PDE3A: variants seen among roughly 807,000 people sequenced by gnomAD.
The protein encoded by PDE3A is phosphodiesterase 3A, also known as cGMP-inhibited 3',5'-cyclic phosphodiesterase 3A.
A neutral mutation model predicts 98.3 loss-of-function variants in PDE3A; 43 were observed. The ratio of observed to expected loss-of-function variants is 0.44; its 90% CI spans 0.34 to 0.56. The LOEUF is 0.56. PDE3A is among the 20% of genes least tolerant of loss of function. The pLI, the probability that PDE3A is intolerant of heterozygous loss-of-function variation, is 0.01. For synonymous variants in PDE3A, 663 were observed against 567.9 expected (o/e 1.17, Z -2.38); for missense variants, 1,427 against 1,440.7 (o/e 0.99, Z 0.15).
intron 1 of PDE3A, among the ~76,000 whole-genome samples, chr12:20,525,171 C>A (rs1170228303): frequency 6.6e-6 from 1 of 152,100 alleles, no homozygotes; most frequent in Non-Finnish European, 1.5e-5. Context: ...TGCTCCGGAG[C>A]CTTGGGCAAG....
chr12:20,400,379 GTTTTTTTTTTTTTTTTTTTTTTT>G (rs75851941), intron 1 of PDE3A, among the ~76,000 whole-genome samples: 17 of 110,258 alleles, frequency 1.5e-4, no homozygotes, highest in East Asian at 4.7e-4. Context: ...GTTAACATTG[GTTTTTTTTTTTTTTTTTTTTTTT>G]TTTTTTTTTT....
intron 1 of PDE3A, among the ~76,000 whole-genome samples, chr12:20,537,422 C>T (rs2121207401): frequency 6.6e-6 from 1 of 152,150 alleles, no homozygotes; most frequent in Non-Finnish European, 1.5e-5. Flanking sequence ...AATCTGATGA[C>T]AGATTATTCT....
intron 1 of PDE3A, among the ~76,000 whole-genome samples, chr12:20,484,018 T>G (rs910957674): frequency 6.6e-6 from 1 of 152,214 alleles, no homozygotes; most frequent in Non-Finnish European, 1.5e-5. Context: ...GACTCATAGC[T>G]TAGTGAACAG....
rs187399009 is a variant in PDE3A at position 20,512,791 on chromosome 12, A to G, written c.961-43869A>G. On this transcript the variant is annotated intron_variant, in intron 1 of 15. Coordinates refer to ENST00000359062, the MANE Select transcript of PDE3A (RefSeq NM_000921.5). ...GTCCTATTTCCATGAGAGTGATGACAGATTCAGAAGTGCCAGGCTCCAAGG... is the reference window on the plus strand; with the variant it reads ...GTCCTATTTCCATGAGAGTGATGACGGATTCAGAAGTGCCAGGCTCCAAGG... Among the ~76,000 whole-genome samples, 521 of 152,262 alleles carry G rather than the reference A, an allele frequency of 3.4e-3. 2 individuals are homozygous for G. The highest frequency in any genetic ancestry group is 5.5e-3 in the Non-Finnish European group (376 of 68,000).
chr12:20,671,992 T>A (rs2120430277), intron 15 of PDE3A, among the ~76,000 whole-genome samples: 1 of 149,612 alleles, frequency 6.7e-6, no homozygotes, highest in Middle Eastern at 3.5e-3. Flanking sequence ...GATAAGCAAC[T>A]TCAGCAAAGT....
intron 1 of PDE3A, among the ~76,000 whole-genome samples, chr12:20,494,620 ACTTTC>A (rs1235391644): frequency 3.9e-5 from 6 of 152,072 alleles, no homozygotes; most frequent in African/African-American, 1.2e-4. Context: ...ATAAATTATG[ACTTTC>A]CTTTCCTATG....
intron 1 of PDE3A, among the ~76,000 whole-genome samples, chr12:20,459,420 T>C (rs941708229): frequency 2.0e-5 from 3 of 152,146 alleles, no homozygotes; most frequent in East Asian, 1.9e-4. Flanking sequence ...GCAGAAAATA[T>C]ATAAAATAAG....
At position 20,530,499 on chromosome 12, in the gene PDE3A, T is replaced by G. The variant is rs563736637; in HGVS notation, c.961-26161T>G. Among the ~76,000 whole-genome samples, 85 of 152,022 alleles carry G rather than the reference T, an allele frequency of 5.6e-4. 1 individual carries two copies. In the South Asian group the frequency reaches 0.017, roughly 30 times the overall value. ...AATGACTATACAATACTTTTTTTTT[T>G]TTTTTTAAGAGATGGGGTCTCACTG... On this transcript the variant is annotated intron_variant, in intron 1 of 15. Coordinates refer to ENST00000359062, the MANE Select transcript of PDE3A (RefSeq NM_000921.5).
Position 20,685,409 on chromosome 12 carries a change from CAAAAAAAA to C in PDE3A, c.*5154_*5161del, listed in dbSNP as rs71442269. 1.2e-4 allele frequency among the ~76,000 whole-genome samples: 9 copies of C among 73,794 alleles called. No individual in the cohort carries two copies. Among genetic ancestry groups the C allele is most frequent in the Admixed American group, 3.8e-4 (2 of 5,240 alleles). 48.4% of individuals were successfully genotyped at this position (73,794 alleles called of 152,430 possible). ...GGGCAACAGGAGTTAAATTTTGCCTCAAAAAAAAAAAAAAAAAAAAAAAGAACATTTTT... is the reference window on the plus strand; with the variant it reads ...GGGCAACAGGAGTTAAATTTTGCCTCAAAAAAAAAAAAAAAGAACATTTTT... On this transcript the variant is annotated 3_prime_UTR_variant, in exon 16 of 16. Coordinates refer to ENST00000359062, the MANE Select transcript of PDE3A (RefSeq NM_000921.5).
chr12:20,525,470 G>GT (rs970733534), intron 1 of PDE3A, among the ~76,000 whole-genome samples: 7 of 146,480 alleles, frequency 4.8e-5, no homozygotes, highest in African/African-American at 1.8e-4. Context: ...ATTTGGTTGG[G>GT]GGGGGGGGCT....
At chr12:20,572,181 AC>A in intron 2 of PDE3A, 1 of 1,187,540 alleles carries the variant, frequency 8.4e-7, no homozygotes, top group Non-Finnish European at 1.1e-6. Flanking sequence ...GGTATGAATA[AC>A]CTTTTTGTTC....
At chr12:20,380,826 A>T (rs1042526419) in intron 1 of PDE3A, among the ~76,000 whole-genome samples, 10 of 151,892 alleles carry the variant, frequency 6.6e-5, no homozygotes. Flanking sequence ...ACAAACTGAG[A>T]CATTCACTAT....
intron 15 of PDE3A, among the ~76,000 whole-genome samples, chr12:20,664,124 C>T (rs1412291608): frequency 6.6e-6 from 1 of 152,134 alleles, no homozygotes; most frequent in African/African-American, 2.4e-5. Flanking sequence ...GACATGTTTG[C>T]TTCCCCTTCC....
rs1945819402 is a variant in PDE3A, at chr12:20,682,569, T to A, written c.*2298T>A. On this transcript the variant is annotated 3_prime_UTR_variant, in exon 16 of 16. Coordinates refer to ENST00000359062, the MANE Select transcript of PDE3A (RefSeq NM_000921.5). Reference sequence around the variant, plus strand: ...CCTAAATAATTAAAATATATTTCAGTATATTTCTGAATTAACACCAGGTCT... The same window carrying A: ...CCTAAATAATTAAAATATATTTCAGAATATTTCTGAATTAACACCAGGTCT... The A allele has an allele frequency of 6.6e-6, 1 of 152,194 alleles. No homozygotes were observed. Among genetic ancestry groups the A allele is most frequent in the African/African-American group, 2.4e-5 (1 of 41,452 alleles). The allele number at this position is 152,194 out of a possible 1,614,324, so 9.4% of individuals were successfully genotyped here.
At chr12:20,485,096 A>C (rs1945702301) in intron 1 of PDE3A, among the ~76,000 whole-genome samples, 1 of 152,158 alleles carries the variant, frequency 6.6e-6, no homozygotes, top group East Asian at 1.9e-4. Context: ...AGTACCAAAA[A>C]CTGTGCTGCT....
chr12:20,558,154 G>T (rs951645714), intron 2 of PDE3A, among the ~76,000 whole-genome samples: 3 of 150,108 alleles, frequency 2.0e-5, no homozygotes, highest in Non-Finnish European at 4.4e-5. Flanking sequence ...GCTTACTTTG[G>T]TATAATTTAT....
chr12:20,527,599 C>CAGTG (rs767183158), intron 1 of PDE3A, among the ~76,000 whole-genome samples: 15 of 152,150 alleles, frequency 9.9e-5, no homozygotes, highest in Non-Finnish European at 1.5e-4. Context: ...CAAGGACTCA[C>CAGTG]AGTGAGTGAC....
At chr12:20,525,333 T>C (rs1365123807) in intron 1 of PDE3A, among the ~76,000 whole-genome samples, 1 of 152,208 alleles carries the variant, frequency 6.6e-6, no homozygotes, top group Non-Finnish European at 1.5e-5. Context: ...ACTATCATCA[T>C]GTTCAGTTTT....
chr12:20,532,757 C>T (rs1472129977), intron 1 of PDE3A, among the ~76,000 whole-genome samples: 3 of 148,168 alleles, frequency 2.0e-5, no homozygotes, highest in African/African-American at 7.5e-5. Context: ...GGCGCGATCT[C>T]GGCTCACTGC....
Sources: gnomAD v4.1 joint callset for allele counts (sites outside exome capture counted in the v4.1 genomes callset) on GRCh38, gnomAD v4.1.1 for gene constraint, MANE v1.5 for transcripts, NCBI Gene and HGNC (gene_info 2026-07-23, HGNC 2026-07-21) for gene names.